Variants in DPP10 observed in about 807,000 individuals in gnomAD.
DPP10 encodes dipeptidyl peptidase like 10, also known as inactive dipeptidyl peptidase 10.
DPP10 carries 33 observed loss-of-function variants against 120.9 expected under a neutral mutation model. The observed-to-expected ratio is 0.27, with a 90% CI of 0.21 to 0.37. DPP10 has a LOEUF of 0.37. Among genes scored for constraint, DPP10 ranks in the 10% least tolerant of loss-of-function variants. The pLI, the probability that DPP10 is intolerant of heterozygous loss-of-function variation, is 1.00. For missense variants in DPP10, 816 were observed against 942.8 expected, an observed-to-expected ratio of 0.87 and a Z score of 1.76; for synonymous variants, 337 against 326.1, an observed-to-expected ratio of 1.03 and a Z score of -0.36.
At chr2:115,254,991 G>A (rs113986073) in intron 1 of DPP10, among the ~76,000 whole-genome samples, 184 of 152,236 alleles carry the variant, frequency 1.2e-3, no homozygotes, top group Non-Finnish European at 2.2e-3. Context: ...GAGGACAGTC[G>A]TCCTCTTCTC....
At chr2:114,859,751 G>A (rs1362524630) in intron 1 of DPP10, among the ~76,000 whole-genome samples, 1 of 152,152 alleles carries the variant, frequency 6.6e-6, no homozygotes, top group African/African-American at 2.4e-5. Context: ...CCCAGTGATT[G>A]TGGGCATTAT....
chr2:114,680,930 C>T (rs757410540), intron 1 of DPP10, among the ~76,000 whole-genome samples: 5 of 151,914 alleles, frequency 3.3e-5, no homozygotes, highest in Non-Finnish European at 7.4e-5. Flanking sequence ...CTCCATGTAA[C>T]ATGTACCTAT....
intron 1 of DPP10, among the ~76,000 whole-genome samples, chr2:114,821,305 G>A (rs1483042023): frequency 1.3e-5 from 2 of 152,152 alleles, no homozygotes; most frequent in South Asian, 2.1e-4. Flanking sequence ...AGGCATATGT[G>A]AGGGCAAGGA....
intron 1 of DPP10, among the ~76,000 whole-genome samples, chr2:114,908,755 ATTTATTC>A (rs1433086485): frequency 6.6e-6 from 1 of 151,658 alleles, no homozygotes; most frequent in Non-Finnish European, 1.5e-5. Flanking sequence ...TAATTATATA[ATTTATTC>A]TTTATTCAGT....
chr2:115,209,784 A>G (rs930788868), intron 1 of DPP10, among the ~76,000 whole-genome samples: 3 of 152,298 alleles, frequency 2.0e-5, no homozygotes, highest in Non-Finnish European at 4.4e-5. Context: ...TGCAAGAAAA[A>G]TCAGCTCTGG....
At chr2:114,926,850 A>ATTTTT (rs11450459) in intron 1 of DPP10, among the ~76,000 whole-genome samples, 2 of 136,570 alleles carry the variant, frequency 1.5e-5, no homozygotes, top group Non-Finnish European at 1.5e-5. Flanking sequence ...GGAAGATACA[A>ATTTTT]TTTTTTTTTT....
chr2:114,842,983 C>T (rs909087544), intron 1 of DPP10, among the ~76,000 whole-genome samples: 42 of 152,130 alleles, frequency 2.8e-4, no homozygotes, highest in East Asian at 5.8e-4. Context: ...TAAAAAGTGA[C>T]GTGCTCAGTA....
intron 1 of DPP10, among the ~76,000 whole-genome samples, chr2:114,545,467 G>A (rs1426854030): frequency 6.6e-6 from 1 of 152,036 alleles, no homozygotes. Context: ...GGTCACTGAG[G>A]GACACTGTTG....
chr2:114,619,321 T>G (rs574768132), intron 1 of DPP10, among the ~76,000 whole-genome samples: 5 of 151,804 alleles, frequency 3.3e-5, no homozygotes, highest in Non-Finnish European at 5.9e-5. Flanking sequence ...CATATTTAAG[T>G]CAAAGCTAGA....
intron 13 of DPP10, among the ~76,000 whole-genome samples, chr2:115,772,825 A>G (rs1321835582): frequency 2.0e-5 from 3 of 152,154 alleles, no homozygotes; most frequent in Non-Finnish European, 4.4e-5. Flanking sequence ...TCAAAGATGG[A>G]GTAAGCAGAA....
chr2:115,113,075 C>T (rs150008473), intron 1 of DPP10, among the ~76,000 whole-genome samples: 184 of 151,614 alleles, frequency 1.2e-3, no homozygotes, highest in African/African-American at 4.4e-3. Context: ...GACTAAGTTA[C>T]GTGTGTGTGT....
chr2:114,488,362 A>G (rs543711223), intron 1 of DPP10, among the ~76,000 whole-genome samples: 1 of 152,278 alleles, frequency 6.6e-6, no homozygotes, highest in East Asian at 1.9e-4. Flanking sequence ...ATAGCCTACT[A>G]CACTTTTGGC....
chr2:114,759,213 T>C (rs1041908897), intron 1 of DPP10, among the ~76,000 whole-genome samples: 1 of 152,222 alleles, frequency 6.6e-6, no homozygotes, highest in Non-Finnish European at 1.5e-5. Context: ...ATTGATGCTT[T>C]CCATATGAAG....
intron 24 of DPP10, among the ~76,000 whole-genome samples, chr2:115,840,174 A>G (rs1689943662): frequency 6.6e-6 from 1 of 151,700 alleles, no homozygotes. Context: ...CCAGTAAAGT[A>G]AATATAAACA....
At chr2:114,659,568 C>G (rs988002632) in intron 1 of DPP10, among the ~76,000 whole-genome samples, 4 of 151,728 alleles carry the variant, frequency 2.6e-5, no homozygotes, top group Non-Finnish European at 5.9e-5. Flanking sequence ...TTTCAGAAAA[C>G]AATCACCCAA....
In DPP10 at chr2:114,640,526, C is replaced by T. The variant is rs1013087558; in HGVS notation, c.60+197688C>T. Among the ~76,000 whole-genome samples the T allele has an allele frequency of 1.1e-4, 16 of 151,448 alleles. 1 individual carries two copies. Among genetic ancestry groups the T allele is most frequent in the African/African-American group, 3.9e-4 (16 of 40,938 alleles). On this transcript the variant is annotated intron_variant, in intron 1 of 25. Coordinates refer to ENST00000410059, the MANE Select transcript of DPP10 (RefSeq NM_020868.6). Reference sequence around the variant, plus strand: ...TAGATAAAGAGAACTAGAGAGGATACACCTCGTCATGCCTCAGGTCAAGTC... The same window carrying T: ...TAGATAAAGAGAACTAGAGAGGATATACCTCGTCATGCCTCAGGTCAAGTC...
intron 1 of DPP10, among the ~76,000 whole-genome samples, chr2:114,475,929 C>T (rs1339111239): frequency 6.7e-6 from 1 of 150,078 alleles, no homozygotes; most frequent in African/African-American, 2.4e-5. Context: ...TCCTGTTTCT[C>T]AGAGTTCACA....
At position 115,777,843 on chromosome 2, in the gene DPP10, T is replaced by C. The variant is rs1256431642; in HGVS notation, c.1361+9T>C. The C allele has an allele frequency of 6.2e-7, 1 of 1,612,832 alleles. No individual in the cohort carries two copies. Among genetic ancestry groups the C allele is most frequent in the Non-Finnish European group, 8.5e-7 (1 of 1,179,250 alleles). ...GGAAGGCAGCTGTACAGGTAAGCAG[T>C]GTGCAAGGATCTCCTTACACAGATT... On this transcript the variant is annotated intron_variant, in intron 15 of 25. Coordinates refer to ENST00000410059, the MANE Select transcript of DPP10 (RefSeq NM_020868.6).
At chr2:115,516,574 G>GTTTT (rs5833606) in intron 4 of DPP10, among the ~76,000 whole-genome samples, 3 of 138,256 alleles carry the variant, frequency 2.2e-5, no homozygotes, top group African/African-American at 8.0e-5. Flanking sequence ...GTTATTCTTT[G>GTTTT]TTTTTTTTTT....
Sources: gnomAD v4.1 joint callset for allele counts (sites outside exome capture counted in the v4.1 genomes callset) on GRCh38, gnomAD v4.1.1 for gene constraint, MANE v1.5 for transcripts, NCBI Gene and HGNC (gene_info 2026-07-23, HGNC 2026-07-21) for gene names.